TMEM165: variants seen among roughly 807,000 people sequenced by gnomAD.
The protein encoded by TMEM165 is transmembrane protein 165.
TMEM165 carries 19 observed loss-of-function variants against 30.0 expected under a neutral mutation model. The observed-to-expected ratio is 0.63, with a 90% CI of 0.44 to 0.93. The LOEUF (loss-of-function observed/expected upper bound fraction) is 0.93, where lower values mean the gene tolerates loss of function less well. TMEM165 is among the 40% of genes least tolerant of loss of function. The probability of loss-of-function intolerance (pLI) is 0.00; values close to 1 mark genes in which losing one functional copy is unlikely to be tolerated. For synonymous variants in TMEM165, 168 were observed against 162.9 expected (o/e 1.03, Z -0.24); for missense variants, 340 against 417.0 (o/e 0.82, Z 1.61).
At chr4:55,437,059 T>C (rs900822553) in intron 3 of TMEM165, among the ~76,000 whole-genome samples, 4 of 152,148 alleles carry the variant, frequency 2.6e-5, no homozygotes, top group African/African-American at 9.7e-5. Flanking sequence ...TTGTTTTAAA[T>C]TGTTGTTATT....
chr4:55,402,039 GC>G (rs1445722431), intron 1 of TMEM165, among the ~76,000 whole-genome samples: 1 of 146,644 alleles, frequency 6.8e-6, no homozygotes, highest in Admixed American at 6.7e-5. Flanking sequence ...AATCGCTTGA[GC>G]CCGGGAGGTG....
intron 1 of TMEM165, among the ~76,000 whole-genome samples, chr4:55,399,673 CAG>C (rs1210429736): frequency 5.3e-5 from 8 of 152,084 alleles, no homozygotes; most frequent in Non-Finnish European, 1.0e-4. Context: ...GTGGTAGAAA[CAG>C]TGTCCAGTAA....
chr4:55,418,489 A>G (rs1578241067), intron 4 of TMEM165, among the ~76,000 whole-genome samples: 1 of 150,348 alleles, frequency 6.7e-6, no homozygotes, highest in South Asian at 2.1e-4. Flanking sequence ...GCGCCACTGC[A>G]CTCCAGCCTT....
chr4:55,427,470 G>A (rs1354873002), downstream of TMEM165, among the ~76,000 whole-genome samples: 1 of 151,802 alleles, frequency 6.6e-6, no homozygotes, highest in Non-Finnish European at 1.5e-5. Context: ...AGCCTCCCAA[G>A]TTGCAGGGAT....
intron 3 of TMEM165, among the ~76,000 whole-genome samples, chr4:55,445,334 C>A (rs1051279477): frequency 1.3e-5 from 2 of 152,144 alleles, no homozygotes; most frequent in Admixed American, 6.5e-5. Context: ...AGCTTCCCTG[C>A]AAGCTTTACC....
At chr4:55,408,220 C>CA (rs1721351207) in intron 1 of TMEM165, among the ~76,000 whole-genome samples, 2 of 152,180 alleles carry the variant, frequency 1.3e-5, no homozygotes. Context: ...TTTGGCCACC[C>CA]AGGACCAGCT....
At chr4:55,403,482 G>A in intron 1 of TMEM165, 1 of 184,832 alleles carries the variant, frequency 5.4e-6, no homozygotes, top group Non-Finnish European at 9.0e-6. Flanking sequence ...CTAAATGAGG[G>A]TGCCTTTTTC....
chr4:55,439,257 A>G (rs1723148926), intron 3 of TMEM165, among the ~76,000 whole-genome samples: 1 of 152,246 alleles, frequency 6.6e-6, no homozygotes, highest in African/African-American at 2.4e-5. Flanking sequence ...AAGCACATGA[A>G]AAGGTGCTCC....
chr4:55,428,141 G>A (rs147542210), downstream of TMEM165: 50 of 152,276 alleles, frequency 3.3e-4, no homozygotes, highest in African/African-American at 1.1e-3. Flanking sequence ...TTTAGGTTCT[G>A]AATACATGAC....
chr4:55,449,119 T>G (rs1724202889), intron 3 of TMEM165, among the ~76,000 whole-genome samples: 1 of 152,020 alleles, frequency 6.6e-6, no homozygotes, highest in East Asian at 1.9e-4. Context: ...TTAAGACAAT[T>G]GGTATTTGAA....
chr4:55,418,872 C>T (rs1007646725), intron 4 of TMEM165, among the ~76,000 whole-genome samples: 2 of 151,982 alleles, frequency 1.3e-5, no homozygotes, highest in African/African-American at 4.8e-5. Flanking sequence ...CATGGAGAAA[C>T]CCCTACTACT....
In TMEM165 at chr4:55,424,579, C is replaced by G; in HGVS notation, c.834C>G (p.Cys278Trp). The G allele has an allele frequency of 6.2e-7, 1 of 1,613,874 alleles. No individual in the cohort carries two copies. The highest frequency in any genetic ancestry group is 8.5e-7 in the Non-Finnish European group (1 of 1,179,822). ...GVAVGGTVGH[C>W]LCTGLAVIGG... ...CCGTGGGTGGAACTGTGGGGCACTGCCTGTGCACGGGATTGGCAGTAATTG... is the reference window on the plus strand; with the variant it reads ...CCGTGGGTGGAACTGTGGGGCACTGGCTGTGCACGGGATTGGCAGTAATTG... Residue 278 changes from cysteine (C) to tryptophan (W), a missense_variant, in exon 5 of 6, where the codon TGC becomes TGG. Around this residue, in one of 2 missense-constraint regions of TMEM165, gnomAD observed 220 missense variants for 307.6 expected, o/e 0.72. Transcript: ENST00000381334.
chr4:55,416,668 AAGTGGC>A (rs1282153099), intron 2 of TMEM165, among the ~76,000 whole-genome samples: 1 of 152,216 alleles, frequency 6.6e-6, no homozygotes, highest in Non-Finnish European at 1.5e-5. Flanking sequence ...TCCACTATGC[AAGTGGC>A]ATGGCTTCCC....
intron 1 of TMEM165, among the ~76,000 whole-genome samples, chr4:55,402,434 T>TATATATATATA (rs1224256602): frequency 4.1e-4 from 11 of 27,018 alleles, no homozygotes; most frequent in Admixed American, 1.3e-3. Flanking sequence ...TATATATATA[T>TATATATATATA]TTTTTTTTTT....
chr4:55,445,047 T>G (rs1484054715), intron 3 of TMEM165, among the ~76,000 whole-genome samples: 1 of 143,550 alleles, frequency 7.0e-6, no homozygotes, highest in Non-Finnish European at 1.5e-5. Flanking sequence ...GCCAAGAAAG[T>G]GCTCAACTCC....
intron 4 of TMEM165, among the ~76,000 whole-genome samples, chr4:55,420,975 A>AGAT: frequency 6.6e-6 from 1 of 152,170 alleles, no homozygotes; most frequent in South Asian, 2.1e-4. Flanking sequence ...AGGCAGGCAA[A>AGAT]TCACCTGAGG....
chr4:55,445,579 A>ATTTTTTTTTTTTTT (rs1191320465), intron 3 of TMEM165, among the ~76,000 whole-genome samples: 1 of 65,516 alleles, frequency 1.5e-5, no homozygotes. Context: ...CTATTTCTAT[A>ATTTTTTTTTTTTTT]TTCTTTTTTT....
intron 3 of TMEM165, chr4:55,433,271 T>C (rs1722642244): frequency 6.6e-6 from 1 of 152,646 alleles, no homozygotes; most frequent in South Asian, 2.1e-4. Context: ...TGGATGGTCA[T>C]TTAGCTAGAA....
At chr4:55,449,940 G>T in intron 3 of TMEM165, 1 of 908,346 alleles carries the variant, frequency 1.1e-6, no homozygotes, top group Non-Finnish European at 1.7e-6. Flanking sequence ...AGTGGGCAAT[G>T]TCCCTTTAAC....
Sources: gnomAD v4.1 joint callset for allele counts (sites outside exome capture counted in the v4.1 genomes callset) on GRCh38, gnomAD v4.1.1 for gene constraint, gnomAD v4.1.1 regional missense constraint, MANE v1.5 for transcripts, NCBI Gene and HGNC (gene_info 2026-07-23, HGNC 2026-07-21) for gene names.